ITFG1: variants seen among roughly 807,000 people sequenced by gnomAD.
ITFG1 encodes integrin alpha FG-GAP repeat containing 1, also known as T-cell immunomodulatory protein.
Under a neutral mutation model 81.8 loss-of-function variants are expected in ITFG1, and 34 were observed. The observed-to-expected ratio is 0.42, with a 90% CI of 0.32 to 0.55. The LOEUF (loss-of-function observed/expected upper bound fraction) is 0.55, where lower values mean the gene tolerates loss of function less well. Among genes scored for constraint, ITFG1 ranks in the 20% least tolerant of loss-of-function variants. The pLI is 0.17. For missense variants in ITFG1, 672 were observed against 755.4 expected (o/e 0.89, Z 1.29); for synonymous variants, 285 against 270.6 (o/e 1.05, Z -0.52).
chr16:47,445,308 C>T (rs914308998), intron 5 of ITFG1, among the ~76,000 whole-genome samples: 1 of 140,470 alleles, frequency 7.1e-6, no homozygotes, highest in African/African-American at 2.6e-5. Flanking sequence ...TGGGTTTTCA[C>T]ATCCCAGCAA....
chr16:47,340,178 C>G (rs1424145468), intron 8 of ITFG1, among the ~76,000 whole-genome samples: 2 of 151,654 alleles, frequency 1.3e-5, no homozygotes, highest in African/African-American at 2.4e-5. Context: ...TTTTTTTCCA[C>G]TATCAGACCT....
chr16:47,191,538 T>C lies in ITFG1; in HGVS notation c.1453+27330A>G, dbSNP rs114675808. Among the ~76,000 whole-genome samples the C allele has an allele frequency of 1.8e-3, 276 of 152,312 alleles. 2 individuals are homozygous for C. The highest frequency in any genetic ancestry group is 6.3e-3 in the African/African-American group (263 of 41,578). ...CCTGTATTACAGTGTTTTTTATTTCTAGCATTTTTTCCATCAGAGCTCTTA... is the reference window on the plus strand; with the variant it reads ...CCTGTATTACAGTGTTTTTTATTTCCAGCATTTTTTCCATCAGAGCTCTTA... On this transcript the variant is annotated intron_variant, in intron 14 of 17. Coordinates refer to ENST00000320640, the MANE Select transcript of ITFG1 (RefSeq NM_030790.5).
At chr16:47,339,113 G>C (rs1967747930) in intron 8 of ITFG1, among the ~76,000 whole-genome samples, 1 of 152,164 alleles carries the variant, frequency 6.6e-6, no homozygotes, top group African/African-American at 2.4e-5. Flanking sequence ...TTCCCTCCAT[G>C]TTGTTGCAAA....
chr16:47,404,905 T>A (rs1198888340), intron 6 of ITFG1, among the ~76,000 whole-genome samples: 2 of 152,196 alleles, frequency 1.3e-5, no homozygotes, highest in Admixed American at 1.3e-4. Flanking sequence ...TAAACACATA[T>A]GTTTATTGGC....
At chr16:47,284,358 T>C (rs988412378) in intron 10 of ITFG1, among the ~76,000 whole-genome samples, 2 of 152,182 alleles carry the variant, frequency 1.3e-5, no homozygotes, top group East Asian at 1.9e-4. Flanking sequence ...CATATTTCTA[T>C]AGTCAAGAAT....
At position 47,242,384 on chromosome 16, in the gene ITFG1, C is replaced by A. The variant is rs184105846; in HGVS notation, c.1331-4376G>T. The stretch of plus-strand genomic sequence containing the variant: ...CTCAACTGCACCAGTTAGGAAAAAA[C>A]CAATTTTATTCCCAAGAGATAGGTG... On this transcript the variant is annotated intron_variant, in intron 12 of 17. Coordinates refer to ENST00000320640, the MANE Select transcript of ITFG1 (RefSeq NM_030790.5). 3.6e-4 allele frequency among the ~76,000 whole-genome samples: 53 copies of A among 147,954 alleles called. 1 individual carries two copies. The highest frequency in any genetic ancestry group is 2.9e-3 in the Admixed American group (44 of 14,924).
At chr16:47,194,724 CTTTATT>C (rs887407060) in intron 14 of ITFG1, among the ~76,000 whole-genome samples, 1 of 151,886 alleles carries the variant, frequency 6.6e-6, no homozygotes, top group Non-Finnish European at 1.5e-5. Context: ...ATATTTAAAA[CTTTATT>C]TTAAGTTCCG....
intron 14 of ITFG1, among the ~76,000 whole-genome samples, chr16:47,214,791 T>C (rs954663869): frequency 6.6e-6 from 1 of 152,088 alleles, no homozygotes; most frequent in African/African-American, 2.4e-5. Flanking sequence ...AATAGGATAA[T>C]TGGGCCAGGC....
chr16:47,292,068 C>T (rs1596865684), intron 10 of ITFG1, among the ~76,000 whole-genome samples: 1 of 151,218 alleles, frequency 6.6e-6, no homozygotes, highest in Non-Finnish European at 1.5e-5. Context: ...GGCTGGAGTG[C>T]AGTGGTACAA....
Position 47,192,620 on chromosome 16 carries a change from CT to C in ITFG1, c.1453+26247del, listed in dbSNP as rs774048912. ...CCACCTGCCCCTTAGGTGAGATAGGCTAAAGGGGGCTGGAGTTGGGTATTTC... is the reference window on the plus strand; with the variant it reads ...CCACCTGCCCCTTAGGTGAGATAGGCAAAGGGGGCTGGAGTTGGGTATTTC... On this transcript the variant is annotated intron_variant, in intron 14 of 17. Transcript: ENST00000320640. Among the ~76,000 whole-genome samples, 5 of 152,248 alleles carry C rather than the reference CT, an allele frequency of 3.3e-5. No homozygotes were observed. The East Asian group carries it at 9.6e-4, about 29-fold the overall frequency.
At chr16:47,161,941 G>T in intron 15 of ITFG1, 109 bp from the exon 16 acceptor site, 1 of 726,968 alleles carries the variant, frequency 1.4e-6, no homozygotes, top group Admixed American at 2.1e-5. Context: ...TCAAATTCTA[G>T]GTATGGATTA....
intron 13 of ITFG1, among the ~76,000 whole-genome samples, chr16:47,225,091 A>G (rs1251421775): frequency 6.6e-6 from 1 of 152,262 alleles, no homozygotes; most frequent in Non-Finnish European, 1.5e-5. Context: ...CACAGTAACA[A>G]TAAAGAGAAA....
At chr16:47,240,951 T>C (rs1476432361) in intron 12 of ITFG1, among the ~76,000 whole-genome samples, 1 of 152,092 alleles carries the variant, frequency 6.6e-6, no homozygotes, top group Non-Finnish European at 1.5e-5. Context: ...GTTCTGGAGA[T>C]GTGTTTCACA....
intron 10 of ITFG1, among the ~76,000 whole-genome samples, chr16:47,273,287 C>T (rs144650841): frequency 7.3e-4 from 111 of 151,964 alleles, no homozygotes; most frequent in African/African-American, 2.5e-3. Context: ...GCCAGTTCTA[C>T]ATGGAGAAGA....
intron 14 of ITFG1, among the ~76,000 whole-genome samples, chr16:47,207,227 C>T (rs1401925399): frequency 2.0e-5 from 3 of 152,108 alleles, no homozygotes; most frequent in Non-Finnish European, 4.4e-5. Context: ...GGGCTACAGG[C>T]GCCTGCCACC....
chr16:47,452,647 T>C, intron 4 of ITFG1, 86 bp downstream of exon 4: 1 of 834,466 alleles, frequency 1.2e-6, no homozygotes, highest in African/African-American at 1.8e-5. Context: ...AGTATTTTTA[T>C]TACTAAGCAA....
intron 8 of ITFG1, among the ~76,000 whole-genome samples, chr16:47,347,206 T>C (rs1302413471): frequency 6.6e-6 from 1 of 152,148 alleles, no homozygotes; most frequent in East Asian, 1.9e-4. Context: ...TGCAAGACAG[T>C]GGGTGCAGCG....
chr16:47,409,969 T>C (rs1054703778), intron 6 of ITFG1, among the ~76,000 whole-genome samples: 1 of 152,070 alleles, frequency 6.6e-6, no homozygotes, highest in Admixed American at 6.6e-5. Context: ...ATAAATATTA[T>C]TAAAAGACAA....
At position 47,452,750 on chromosome 16, in the gene ITFG1, A is replaced by T; in HGVS notation, c.468T>A (p.Asp156Glu). 6.3e-7 allele frequency: 1 copy of T among 1,590,362 alleles called. No individual in the cohort carries two copies. Among genetic ancestry groups the T allele is most frequent in the Non-Finnish European group, 8.6e-7 (1 of 1,165,198 alleles). The change falls in exon 4 of 18, where the codon GAT (aspartate) becomes GAA (glutamate). Residue 156 changes from aspartate to glutamate, a missense_variant. Asp to Glu is a conservative substitution (Grantham distance 45, BLOSUM62 2). Around this residue, in one of 3 missense-constraint regions of ITFG1, gnomAD observed 560 missense variants for 625.7 expected, o/e 0.90. Transcript: ENST00000320640. Reference protein sequence around the residue: ...NMTILNRTFQDEPLIMDFNGD... With the variant: ...NMTILNRTFQEEPLIMDFNGD... Reference sequence around the variant, plus strand: ...ATACTTACTCCATAATTAGTGGCTCATCTTGAAAAGTCCTATTGAGTATGG... The same window carrying T: ...ATACTTACTCCATAATTAGTGGCTCTTCTTGAAAAGTCCTATTGAGTATGG...
Sources: gnomAD v4.1 joint callset for allele counts (sites outside exome capture counted in the v4.1 genomes callset) on GRCh38, gnomAD v4.1.1 for gene constraint, gnomAD v4.1.1 regional missense constraint, MANE v1.5 for transcripts, NCBI Gene and HGNC (gene_info 2026-07-23, HGNC 2026-07-21) for gene names.